Variants in TRAK1 observed in about 807,000 individuals in gnomAD.
TRAK1 encodes trafficking kinesin protein 1, also known as trafficking kinesin-binding protein 1.
Under a neutral mutation model 92.1 loss-of-function variants are expected in TRAK1, and 33 were observed. The observed-to-expected ratio is 0.36, with a 90% CI of 0.27 to 0.48. The LOEUF is 0.48. Ranked by LOEUF, TRAK1 falls within the 20% of genes least tolerant of loss-of-function variation. The pLI, the probability that TRAK1 is intolerant of heterozygous loss-of-function variation, is 0.99. For missense variants in TRAK1, 1,123 were observed against 1,257.9 expected, an observed-to-expected ratio of 0.89 and a Z score of 1.62; for synonymous variants, 521 against 517.3, an observed-to-expected ratio of 1.01 and a Z score of -0.10.
At chr3:42,171,437 A>T (rs1693311225) in intron 2 of TRAK1, among the ~76,000 whole-genome samples, 4 of 152,212 alleles carry the variant, frequency 2.6e-5, no homozygotes, top group Non-Finnish European at 5.9e-5. Context: ...AGCTTTTATC[A>T]AGCTTGTTAA....
Position 42,214,778 on chromosome 3 carries a change from G to A in TRAK1, c.1964-4716G>A, listed in dbSNP as rs1449524231. Among the ~76,000 whole-genome samples the A allele has an allele frequency of 3.9e-5, 6 of 152,282 alleles. No homozygotes were observed. In the South Asian group the frequency reaches 6.2e-4, roughly 16 times the overall value. On this transcript the variant is annotated intron_variant, in intron 14 of 15. Transcript: ENST00000327628. ...CCTGCTGGCCAGATGTCTGATCACC[G>A]AGGAGCTCAGGGACCTCTACGGAGC... is the stretch of plus-strand genomic sequence containing the variant.
chr3:42,184,854 C>A, intron 4 of TRAK1, 53 bp downstream of exon 4: 2 of 1,540,790 alleles, frequency 1.3e-6, no homozygotes, highest in Non-Finnish European at 1.8e-6. Flanking sequence ...GGCCTGGGAG[C>A]TGGAGGCATG....
chr3:42,160,475 T>G (rs1437012422), intron 2 of TRAK1: 51 of 1,613,866 alleles, frequency 3.2e-5, no homozygotes, highest in Non-Finnish European at 4.2e-5. Flanking sequence ...TGGAAGAGGG[T>G]AAATTCTGTA....
intron 14 of TRAK1, among the ~76,000 whole-genome samples, chr3:42,216,666 G>T (rs915656313): frequency 6.6e-6 from 1 of 152,128 alleles, no homozygotes; most frequent in African/African-American, 2.4e-5. Context: ...AGTTTAAAGC[G>T]TATCACATTT....
intron 2 of TRAK1, among the ~76,000 whole-genome samples, chr3:42,139,356 G>A (rs1029319313): frequency 1.2e-4 from 19 of 152,154 alleles, no homozygotes; most frequent in Non-Finnish European, 2.5e-4. Flanking sequence ...AGGATCAAAG[G>A]TAGAAGCAGA....
At chr3:42,151,560 C>T (rs1050921855) in intron 2 of TRAK1, 1 of 295,374 alleles carries the variant, frequency 3.4e-6, no homozygotes, top group African/African-American at 2.3e-5. Flanking sequence ...ACAGAATTTA[C>T]TGGGACCACT....
chr3:42,100,595 T>C (rs2149012602), intron 1 of TRAK1, among the ~76,000 whole-genome samples: 1 of 152,350 alleles, frequency 6.6e-6, no homozygotes, highest in African/African-American at 2.4e-5. Flanking sequence ...GTAAGGAGAT[T>C]CTGATGGGGG....
Position 42,191,610 on chromosome 3 carries a change from T to G in TRAK1, c.743T>G (p.Leu248Arg). 2 of 1,604,350 alleles carry G rather than the reference T, an allele frequency of 1.2e-6. No individual in the cohort carries two copies. Among genetic ancestry groups the G allele is most frequent in the Non-Finnish European group, 1.7e-6 (2 of 1,175,466 alleles). ...TITYEEKEQQ[L>R]VNDCVKELRD... Reference sequence around the variant, plus strand: ...ACCTATGAGGAGAAGGAGCAGCAGCTGGTCAATGACTGCGTGAAGGAGCTG... The same window carrying G: ...ACCTATGAGGAGAAGGAGCAGCAGCGGGTCAATGACTGCGTGAAGGAGCTG... The change falls in exon 7 of 16, where the codon CTG becomes CGG. Residue 248 changes from leucine to arginine, a missense_variant. This residue lies in a region of TRAK1 where 686 missense variants were observed against 747.6 expected (regional missense o/e 0.92). Coordinates refer to ENST00000327628, the MANE Select transcript of TRAK1 (RefSeq NM_001042646.3).
intron 1 of TRAK1, among the ~76,000 whole-genome samples, chr3:42,059,405 C>T (rs1231647908): frequency 1.3e-5 from 2 of 152,146 alleles, no homozygotes; most frequent in African/African-American, 4.8e-5. Context: ...CTGAGTTAAC[C>T]ATATTTTAGA....
intron 1 of TRAK1, among the ~76,000 whole-genome samples, chr3:42,031,630 C>T (rs1702151616): frequency 4.3e-5 from 1 of 23,108 alleles, no homozygotes; most frequent in Admixed American, 1.0e-3. Context: ...GAGACCTTGT[C>T]TCAAAAAATA....
chr3:42,125,280 C>A, intron 1 of TRAK1, 140 bp from the exon 2 acceptor site: 2 of 706,604 alleles, frequency 2.8e-6, no homozygotes, highest in South Asian at 2.4e-5. Context: ...TGGAAAAAGA[C>A]TCCTGATATA....
At chr3:42,143,230 TAA>T (rs59740387) in intron 2 of TRAK1, among the ~76,000 whole-genome samples, 3 of 145,594 alleles carry the variant, frequency 2.1e-5, no homozygotes, top group South Asian at 2.2e-4. Flanking sequence ...TTTTGTTCTT[TAA>T]AAAAAAAAAA....
At chr3:42,027,159 G>C in intron 1 of TRAK1, among the ~76,000 whole-genome samples, 1 of 152,098 alleles carries the variant, frequency 6.6e-6, no homozygotes, top group East Asian at 1.9e-4. Flanking sequence ...AAAATAATGA[G>C]ATAATATGTG....
upstream of TRAK1, among the ~76,000 whole-genome samples, chr3:42,084,956 A>G (rs746904959): frequency 2.6e-5 from 4 of 151,770 alleles, no homozygotes; most frequent in Non-Finnish European, 5.9e-5. Flanking sequence ...TTATTTTTTC[A>G]TGTTAATGAG....
intron 15 of TRAK1, 69 bp from the exon 16 acceptor site, chr3:42,222,873 C>T: frequency 1.3e-6 from 2 of 1,541,196 alleles, no homozygotes; most frequent in Non-Finnish European, 1.8e-6. Context: ...CTGCAGGAAA[C>T]TGGCCACTGA....
chr3:42,042,773 T>C (rs1373836172), intron 1 of TRAK1, among the ~76,000 whole-genome samples: 1 of 152,190 alleles, frequency 6.6e-6, no homozygotes, highest in Non-Finnish European at 1.5e-5. Flanking sequence ...TGCTTCACAG[T>C]GTATGCTCCA....
At chr3:42,013,600 G>A (rs1209837126), upstream of TRAK1, among the ~76,000 whole-genome samples, 1 of 149,786 alleles carries the variant, frequency 6.7e-6, no homozygotes, top group Admixed American at 6.6e-5. This position sits in a 1 kb window ranked among gnomAD's most constrained non-coding sequence, Gnocchi z 5.1. Flanking sequence ...CTCGGCGCGC[G>A]TCGGGCGGTG....
At chr3:42,152,429 T>C (rs1700064807) in intron 2 of TRAK1, among the ~76,000 whole-genome samples, 1 of 152,214 alleles carries the variant, frequency 6.6e-6, no homozygotes, top group East Asian at 1.9e-4. Context: ...GTTACCCCGA[T>C]TGGATGCATC....
At chr3:42,077,132 T>A (rs1576253891) in intron 1 of TRAK1, among the ~76,000 whole-genome samples, 1 of 152,230 alleles carries the variant, frequency 6.6e-6, no homozygotes, top group East Asian at 1.9e-4. Flanking sequence ...GTTGTTTTTG[T>A]TGTTCCAAAT....
Sources: allele counts gnomAD v4.1 joint callset (sites outside exome capture counted in the v4.1 genomes callset), GRCh38; gene constraint gnomAD v4.1.1; regional missense constraint gnomAD v4.1.1; non-coding constraint Gnocchi (gnomAD v3.1); transcripts MANE v1.5; gene names NCBI Gene and HGNC (gene_info 2026-07-23, HGNC 2026-07-21).